LOXL3: variants seen among roughly 807,000 people sequenced by gnomAD.
The protein encoded by LOXL3 is lysyl oxidase like 3.
In LOXL3, 60 loss-of-function variants were observed where a neutral mutation model predicts 91.8. That is an observed-to-expected ratio of 0.65 (90% CI 0.53 to 0.81). LOXL3 has a LOEUF of 0.81. LOXL3 is among the 30% of genes least tolerant of loss of function. LOXL3 has a pLI of 0.00. For synonymous variants in LOXL3, 355 were observed against 387.6 expected, an observed-to-expected ratio of 0.92 and a Z score of 0.99; for missense variants, 874 against 1,000.4, an observed-to-expected ratio of 0.87 and a Z score of 1.70.
chr2:74,536,046 G>C lies in LOXL3; in HGVS notation c.1198C>G (p.Gln400Glu). 2 of 1,608,484 alleles carry C rather than the reference G, an allele frequency of 1.2e-6. No individual in the cohort carries two copies. Among genetic ancestry groups the C allele is most frequent in the Non-Finnish European group, 1.7e-6 (2 of 1,177,274 alleles). ...NITAEDCSHSQDAGVRCNLPY... is the reference protein window; with the variant it reads ...NITAEDCSHSEDAGVRCNLPY... The stretch of plus-strand genomic sequence containing the variant: ...AGGTTGCACCGGACCCCGGCATCCT[G>C]GCTATGTGAACAATCCTCAGCTGTG... The change falls in exon 7 of 14, where the codon CAG becomes GAG. Residue 400 changes from glutamine (Q) to glutamate (E), a missense_variant. By Grantham distance (29) the Gln-to-Glu change is conservative (BLOSUM62 2). Transcript: ENST00000264094. The surrounding 1 kb of genome is among the most constrained non-coding windows in gnomAD (Gnocchi z 4.5).
chr2:74,549,084 G>A lies in LOXL3; in HGVS notation c.692+285C>T. ...CCGCGCCTGGGAGTGGCCTCGCGAG[G>A]CCGGCGCGCGCCCCGGGGCCGAGGA... On this transcript the variant is annotated intron_variant, in intron 4 of 13. Coordinates refer to ENST00000264094, the MANE Select transcript of LOXL3 (RefSeq NM_032603.5). The surrounding 1 kb of genome is among the most constrained non-coding windows in gnomAD (Gnocchi z 5.3). The A allele has an allele frequency of 3.6e-6, 1 of 280,364 alleles. No homozygotes were observed. The highest frequency in any genetic ancestry group is 6.6e-6 in the Non-Finnish European group (1 of 151,052). 17.4% of individuals were successfully genotyped at this position (280,364 alleles called of 1,614,324 possible). A position where few individuals can be genotyped will look rare whatever the true frequency, so the allele number is the denominator to read the frequency against.
In LOXL3 at chr2:74,536,508, C is replaced by T; in HGVS notation, c.913-37G>A. ...AGAAGTGCCCAACAGAGGCAAATGG[C>T]AACATCTGCACGGAGGGCTAAGCAG... On this transcript the variant is annotated intron_variant, in intron 5 of 13. Transcript: ENST00000264094. The surrounding 1 kb of genome is among the most constrained non-coding windows in gnomAD (Gnocchi z 4.5). 6.3e-7 allele frequency: 1 copy of T among 1,589,884 alleles called. No homozygotes were observed. Among genetic ancestry groups the T allele is most frequent in the Non-Finnish European group, 8.6e-7 (1 of 1,166,470 alleles).
At chr2:74,548,259 T>C (rs185928057) in intron 4 of LOXL3, among the ~76,000 whole-genome samples, 11 of 152,368 alleles carry the variant, frequency 7.2e-5, no homozygotes, top group Non-Finnish European at 1.0e-4. Context: ...ATGGCTTTTT[T>C]ATGGCTTCTA....
chr2:74,554,369 G>A (rs960420886), upstream of LOXL3: 4 of 217,912 alleles, frequency 1.8e-5, no homozygotes, highest in Non-Finnish European at 2.7e-5. This position sits in a 1 kb window ranked among gnomAD's most constrained non-coding sequence, Gnocchi z 4.9. Flanking sequence ...ATAAAGCCCC[G>A]GAGGCCCGTG....
intron 4 of LOXL3, among the ~76,000 whole-genome samples, chr2:74,547,418 A>G (rs1272961607): frequency 6.6e-6 from 1 of 152,222 alleles, no homozygotes; most frequent in East Asian, 1.9e-4. Context: ...GGAAATGTCT[A>G]AATTCTACGC....
At chr2:74,543,899 T>C (rs1252709804) in intron 4 of LOXL3, among the ~76,000 whole-genome samples, 2 of 49,320 alleles carry the variant, frequency 4.1e-5, no homozygotes, top group African/African-American at 2.5e-4. Flanking sequence ...AGGCTCTGTC[T>C]CAAAAAAAAA....
rs200536773 is a variant in LOXL3, at chr2:74,536,915, G to A, written c.706C>T (p.Arg236Trp). The A allele has an allele frequency of 1.0e-4, 166 of 1,613,984 alleles. 1 individual carries two copies. The Admixed American group carries it at 1.5e-3, about 14-fold the overall frequency. ...TGCAGACCAAAGGAGTGTTGCTGCC[G>A]TTGGGCTAGCAGCCTAGGGGGACAG... Reference protein sequence around the residue: ...NAAFYRLLAQRQQHSFGLHGV... With the variant: ...NAAFYRLLAQWQQHSFGLHGV... The change falls in exon 5 of 14, where the codon CGG (arginine) becomes TGG (tryptophan). Residue 236 changes from arginine to tryptophan, a missense_variant. Transcript: ENST00000264094. This position sits in a 1 kb window ranked among gnomAD's most constrained non-coding sequence, Gnocchi z 4.5.
chr2:74,537,020 C>T (rs892908883), intron 4 of LOXL3, 92 bp from the exon 5 acceptor site: 2 of 950,358 alleles, frequency 2.1e-6, no homozygotes, highest in Non-Finnish European at 3.2e-6. Context: ...CTCCACCATG[C>T]CCCCCACCCT....
chr2:74,550,374 G>C, intron 2 of LOXL3, 26 bp from the exon 3 acceptor site: 1 of 1,607,350 alleles, frequency 6.2e-7, no homozygotes, highest in African/African-American at 1.3e-5. Context: ...TGAAGGGACA[G>C]AGAAGCTTGG....
intron 4 of LOXL3, among the ~76,000 whole-genome samples, chr2:74,547,078 A>G (rs560617522): frequency 4.2e-4 from 64 of 151,952 alleles, no homozygotes; most frequent in African/African-American, 1.5e-3. Flanking sequence ...TGGCATGATC[A>G]CAGCTCACTG....
At chr2:74,554,620 ACC>A (rs1260042471), upstream of LOXL3, 2 of 775,910 alleles carry the variant, frequency 2.6e-6, no homozygotes, top group Non-Finnish European at 4.1e-6. This position sits in a 1 kb window ranked among gnomAD's most constrained non-coding sequence, Gnocchi z 4.9. Context: ...CCTCTCCCTC[ACC>A]CCACCGCGAC....
At position 74,542,584 on chromosome 2, in the gene LOXL3, A is replaced by G. The variant is rs186480255; in HGVS notation, c.693-5656T>C. Among the ~76,000 whole-genome samples, 217 of 151,318 alleles carry G rather than the reference A, an allele frequency of 1.4e-3. 1 individual carries two copies. Among genetic ancestry groups the G allele is most frequent in the Middle Eastern group, 7.0e-3 (2 of 286 alleles). ...CCTCCCCTTCACAGTAACATTTCTC[A>G]AGAGCTGTCCATACTTATCATCTTT... On this transcript the variant is annotated intron_variant, in intron 4 of 13. Coordinates refer to ENST00000264094, the MANE Select transcript of LOXL3 (RefSeq NM_032603.5).
intron 4 of LOXL3, among the ~76,000 whole-genome samples, chr2:74,546,762 G>C (rs765670355): frequency 6.6e-6 from 1 of 151,920 alleles, no homozygotes; most frequent in African/African-American, 2.4e-5. Flanking sequence ...TGTTGCCCAG[G>C]CTGGAGTGCA....
Position 74,533,065 on chromosome 2 carries a change from G to A in LOXL3, c.*541C>T. ...CTGAGGTTCTGAGGGCACCGAGACA[G>A]AGGGTTAAATGAACCAGTGGGGGCA... is the stretch of plus-strand genomic sequence containing the variant. On this transcript the variant is annotated 3_prime_UTR_variant, in exon 14 of 14. Coordinates refer to ENST00000264094, the MANE Select transcript of LOXL3 (RefSeq NM_032603.5). 1 of 1,436,944 alleles carries A rather than the reference G, an allele frequency of 7.0e-7. No individual in the cohort carries two copies. Among genetic ancestry groups the A allele is most frequent in the Non-Finnish European group, 9.7e-7 (1 of 1,029,688 alleles). 89.0% of individuals were successfully genotyped at this position (1,436,944 alleles called of 1,614,324 possible).
chr2:74,536,628 A>G lies in LOXL3; in HGVS notation c.912+81T>C. 6.6e-7 allele frequency: 1 copy of G among 1,515,292 alleles called. No individual in the cohort carries two copies. The highest frequency in any genetic ancestry group is 9.1e-7 in the Non-Finnish European group (1 of 1,101,842). 93.9% of individuals were successfully genotyped at this position (1,515,292 alleles called of 1,614,324 possible). On this transcript the variant is annotated intron_variant, in intron 5 of 13. Transcript: ENST00000264094. This position sits in a 1 kb window ranked among gnomAD's most constrained non-coding sequence, Gnocchi z 4.5. ...AGGCTCCTCTCTGTCCTCAAAGGTCAGGGCTGTGCTTAGTCTGGGGTTGCC... is the reference window on the plus strand; with the variant it reads ...AGGCTCCTCTCTGTCCTCAAAGGTCGGGGCTGTGCTTAGTCTGGGGTTGCC...
upstream of LOXL3, chr2:74,555,115 C>A: frequency 6.3e-7 from 1 of 1,576,940 alleles, no homozygotes; most frequent in Non-Finnish European, 8.6e-7. This position sits in a 1 kb window ranked among gnomAD's most constrained non-coding sequence, Gnocchi z 6.1. Flanking sequence ...GCCGCCTGCG[C>A]ACGCCACTCC....
At chr2:74,540,000 G>A (rs1030954264) in intron 4 of LOXL3, among the ~76,000 whole-genome samples, 7 of 152,166 alleles carry the variant, frequency 4.6e-5, no homozygotes, top group African/African-American at 1.7e-4. Context: ...TGAGACCCGA[G>A]CTTTCTTTTT....
chr2:74,555,275 A>T, upstream of LOXL3: 1 of 1,614,004 alleles, frequency 6.2e-7, no homozygotes, highest in Non-Finnish European at 8.5e-7. This position sits in a 1 kb window ranked among gnomAD's most constrained non-coding sequence, Gnocchi z 6.1. Flanking sequence ...CGCCGCCTGG[A>T]CTGCAAAGTG....
intron 4 of LOXL3, among the ~76,000 whole-genome samples, chr2:74,544,824 A>C (rs1412410355): frequency 6.6e-6 from 1 of 152,092 alleles, no homozygotes; most frequent in Non-Finnish European, 1.5e-5. Context: ...AATTGTAATA[A>C]TTGTATCACC....
Sources: gnomAD v4.1 joint callset for allele counts (sites outside exome capture counted in the v4.1 genomes callset) on GRCh38, gnomAD v4.1.1 for gene constraint, Gnocchi (gnomAD v3.1) non-coding constraint, MANE v1.5 for transcripts, NCBI Gene and HGNC (gene_info 2026-07-23, HGNC 2026-07-21) for gene names.